IL17REL: variants seen among roughly 807,000 people sequenced by gnomAD.
IL17REL encodes interleukin-17 receptor E-like protein.
In IL17REL, 36 loss-of-function variants were observed where a neutral mutation model predicts 49.0. The observed-to-expected ratio is 0.73, with a 90% CI of 0.56 to 0.97. The LOEUF is 0.97. Ranked by LOEUF, IL17REL falls within the 50% of genes least tolerant of loss-of-function variation. The pLI, the probability that IL17REL is intolerant of heterozygous loss-of-function variation, is 0.00. For missense variants in IL17REL, 470 were observed against 453.9 expected (o/e 1.04, Z -0.32); for synonymous variants, 206 against 192.4 (o/e 1.07, Z -0.58).
chr22:49,997,552 G>T, intron 10 of IL17REL, 69 bp from the exon 13 acceptor site: 4 of 1,339,240 alleles, frequency 3.0e-6, no homozygotes, highest in Non-Finnish European at 4.2e-6. Context: ...TTCCCCAGTG[G>T]GCCTGGCGCC....
At chr22:49,997,829 C>A in intron 9 of IL17REL, 87 bp from the exon 12 acceptor site, 1 of 1,469,630 alleles carries the variant, frequency 6.8e-7, no homozygotes, top group South Asian at 1.1e-5. Flanking sequence ...CAGGCTGGGT[C>A]AGCTTCAGGG....
chr22:50,007,810 G>A (rs1455960889), intron 1 of IL17REL, among the ~76,000 whole-genome samples: 1 of 151,748 alleles, frequency 6.6e-6, no homozygotes, highest in Non-Finnish European at 1.5e-5. Flanking sequence ...AAACATTTAA[G>A]TAAAGTTTAG....
At chr22:49,997,614 G>T in intron 10 of IL17REL, 71 bp downstream of exon 12, 2 of 1,516,172 alleles carry the variant, frequency 1.3e-6, no homozygotes, top group Admixed American at 1.7e-5. Context: ...CCACCTCCCT[G>T]ACCAGCACAG....
downstream of IL17REL, among the ~76,000 whole-genome samples, chr22:49,993,874 G>A (rs1310283158): frequency 6.6e-6 from 1 of 152,150 alleles, no homozygotes; most frequent in East Asian, 1.9e-4. This position sits in a 1 kb window ranked among gnomAD's most constrained non-coding sequence, Gnocchi z 6.0. Flanking sequence ...CAGGAGGCAG[G>A]AGCAGGAACC....
intron 9 of IL17REL, 44 bp from the exon 12 acceptor site, chr22:49,997,786 A>AGGCAGG (rs762033570): frequency 2.5e-5 from 39 of 1,587,446 alleles, no homozygotes; most frequent in African/African-American, 5.4e-5. Flanking sequence ...AGTGTGTGTG[A>AGGCAGG]GGCAGGGGCA....
At chr22:50,002,495 CT>C (rs398040533) in intron 1 of IL17REL, among the ~76,000 whole-genome samples, 19,269 of 127,812 alleles carry the variant, frequency 0.15, 1,203 homozygotes, top group African/African-American at 0.21. Context: ...CTTTTCTTTT[CT>C]TTTTTTTTTT....
chr22:49,999,364 T>C lies in IL17REL; in HGVS notation c.547-19A>G, dbSNP rs879016393. On this transcript the variant is annotated intron_variant, in intron 6 of 12. Transcript: ENST00000341280. ...ACCAGCCCTGTGGGAGGGGCTGGGG[T>C]CAGCGCAGCCCACCCATCCCTGTGC... 1.2e-6 allele frequency: 2 copies of C among 1,612,484 alleles called. No individual in the cohort carries two copies. Among genetic ancestry groups the C allele is most frequent in the Admixed American group, 3.3e-5 (2 of 59,992 alleles).
At chr22:49,996,914 G>A (rs2061038421) in intron 12 of IL17REL, 54 bp from the exon 15 acceptor site, 2 of 696,272 alleles carry the variant, frequency 2.9e-6, no homozygotes, top group Admixed American at 3.2e-5. Flanking sequence ...CCCGGGGATG[G>A]GGGATGGGAA....
exon 13 of IL17REL, chr22:49,995,035 TC>T (rs2061026736): frequency 6.6e-6 from 1 of 152,194 alleles, no homozygotes; most frequent in Non-Finnish European, 1.5e-5. Flanking sequence ...TCTGGAGGGG[TC>T]CGAGTGGGGC....
downstream of IL17REL, among the ~76,000 whole-genome samples, chr22:49,993,560 C>A (rs6010252): frequency 6.6e-6 from 1 of 152,132 alleles, no homozygotes; most frequent in Non-Finnish European, 1.5e-5. The surrounding 1 kb of genome is among the most constrained non-coding windows in gnomAD (Gnocchi z 6.0). Context: ...GGTGGCAGCA[C>A]GCGTGTGTCC....
chr22:49,997,940 G>C (rs1359965774), intron 9 of IL17REL, 85 bp downstream of exon 11: 64 of 1,544,558 alleles, frequency 4.1e-5, no homozygotes, highest in Non-Finnish European at 5.4e-5. Flanking sequence ...CCAGGGCTGG[G>C]CAAGGGCCCC....
At chr22:50,003,519 CAAAAAAAAAAAAA>C (rs142337526) in intron 1 of IL17REL, among the ~76,000 whole-genome samples, 2 of 39,080 alleles carry the variant, frequency 5.1e-5, no homozygotes, top group Admixed American at 7.2e-4. Flanking sequence ...GACTCCATCT[CAAAAAAAAAAAAA>C]AAAAAAAAAA....
chr22:49,997,754 G>C lies in IL17REL; in HGVS notation c.820-12C>G. 1 of 1,613,730 alleles carries C rather than the reference G, an allele frequency of 6.2e-7. No individual in the cohort carries two copies. The highest frequency in any genetic ancestry group is 8.5e-7 in the Non-Finnish European group (1 of 1,179,842). On this transcript the variant is annotated splice_polypyrimidine_tract_variant and intron_variant, in intron 9 of 12. Coordinates refer to ENST00000341280, the Ensembl canonical transcript of IL17REL. ...CAACTGGTAGAGAACTGCAAAGTGG[G>C]GTGAGGGGTGCAGGAGGGTGGAGTG...
exon 13 of IL17REL, chr22:49,994,948 A>C (rs2061026138): frequency 6.6e-6 from 1 of 152,440 alleles, no homozygotes; most frequent in South Asian, 2.1e-4. Context: ...GCCCCCAGGC[A>C]GGTGGCCTCT....
upstream of IL17REL, among the ~76,000 whole-genome samples, chr22:50,010,837 G>C (rs1268354048): frequency 1.3e-5 from 2 of 151,712 alleles, no homozygotes; most frequent in South Asian, 2.1e-4. Context: ...GGCTGAGCCC[G>C]GGCGCTGGGC....
chr22:50,005,067 G>T (rs1469055743), intron 1 of IL17REL, among the ~76,000 whole-genome samples: 1 of 150,686 alleles, frequency 6.6e-6, no homozygotes, highest in Non-Finnish European at 1.5e-5. Context: ...TGAAACGGGC[G>T]CAGGAGGAGA....
Position 49,996,859 on chromosome 22 carries a change from C to G in IL17REL, c.*46G>C, listed in dbSNP as rs1601884226. The G allele has an allele frequency of 1.7e-5, 10 of 587,770 alleles. No homozygotes were observed. The South Asian group carries it at 2.0e-4, about 12-fold the overall frequency. The allele number at this position is 587,770 out of a possible 1,614,324, so 36.4% of individuals were successfully genotyped here. On this transcript the variant is annotated splice_region_variant and 3_prime_UTR_variant, in exon 13 of 13. Coordinates refer to ENST00000341280, the Ensembl canonical transcript of IL17REL. ...GGAGAAGTGTACATCGGTCCTCCAG[C>G]CCTGCAGGCATAAGGCAGCTCCGTC...
chr22:49,999,163 C>G, intron 7 of IL17REL, 128 bp downstream of exon 9: 2 of 1,150,732 alleles, frequency 1.7e-6, no homozygotes, highest in Non-Finnish European at 2.6e-6. Flanking sequence ...CAAGCCCTTC[C>G]GAGCAGGCTC....
At chr22:49,999,580 C>A in intron 5 of IL17REL, 78 bp from the exon 8 acceptor site, 1 of 705,532 alleles carries the variant, frequency 1.4e-6, no homozygotes, top group Non-Finnish European at 2.1e-6. Context: ...CTGCACCGAA[C>A]GGGGCGGGAG....
Sources: allele counts gnomAD v4.1 joint callset (sites outside exome capture counted in the v4.1 genomes callset), GRCh38; gene constraint gnomAD v4.1.1; non-coding constraint Gnocchi (gnomAD v3.1); transcripts MANE v1.5; gene names NCBI Gene and HGNC (gene_info 2026-07-23, HGNC 2026-07-21).